Variants in ALK observed in about 807,000 individuals in gnomAD.
ALK encodes ALK receptor tyrosine kinase.
Under a neutral mutation model 163.1 loss-of-function variants are expected in ALK, and 74 were observed. The observed-to-expected ratio is 0.45, with a 90% CI of 0.38 to 0.55. The LOEUF (loss-of-function observed/expected upper bound fraction) is 0.55. Among genes scored for constraint, ALK ranks in the 20% least tolerant of loss-of-function variants. The pLI is 0.00. For synonymous variants in ALK, 960 were observed against 843.2 expected (o/e 1.14, Z -2.40); for missense variants, 2,063 against 2,105.3 (o/e 0.98, Z 0.39).
chr2:29,782,387 C>T (rs1429395104), intron 1 of ALK, among the ~76,000 whole-genome samples: 1 of 152,128 alleles, frequency 6.6e-6, no homozygotes, highest in East Asian at 1.9e-4. Context: ...CTGGTCAGCC[C>T]ACTGGTGGCC....
At chr2:29,222,075 A>G (rs1242491248) in intron 22 of ALK, among the ~76,000 whole-genome samples, 1 of 152,154 alleles carries the variant, frequency 6.6e-6, no homozygotes, top group East Asian at 1.9e-4. Context: ...AGGGAAGAAG[A>G]ACCAGTGGAT....
intron 8 of ALK, among the ~76,000 whole-genome samples, chr2:29,305,273 C>T (rs1235975702): frequency 1.3e-5 from 2 of 152,096 alleles, no homozygotes; most frequent in African/African-American, 2.4e-5. Context: ...GCTGTTACAT[C>T]GCCTCTAGAA....
At chr2:29,560,659 C>A (rs1171649760) in intron 3 of ALK, among the ~76,000 whole-genome samples, 1 of 151,894 alleles carries the variant, frequency 6.6e-6, no homozygotes, top group East Asian at 1.9e-4. Context: ...GCAGCCTTGA[C>A]CTTCCAGATT....
chr2:29,376,294 T>G (rs909881692), intron 5 of ALK, among the ~76,000 whole-genome samples: 1 of 152,284 alleles, frequency 6.6e-6, no homozygotes, highest in African/African-American at 2.4e-5. Flanking sequence ...AGCCGCATTT[T>G]GTGTTTCTTT....
chr2:29,535,381 G>A (rs1673225978), intron 3 of ALK, among the ~76,000 whole-genome samples: 1 of 152,314 alleles, frequency 6.6e-6, no homozygotes, highest in African/African-American at 2.4e-5. Flanking sequence ...CAACCAGCAG[G>A]GCTCACATTA....
At position 29,433,681 on chromosome 2, in the gene ALK, C is replaced by A. The variant is rs370191272; in HGVS notation, c.1155-49822G>T. Among the ~76,000 whole-genome samples, 523 of 151,654 alleles carry A rather than the reference C, an allele frequency of 3.4e-3. 4 individuals carry two copies. The highest frequency in any genetic ancestry group is 4.3e-3 in the East Asian group (22 of 5,158). Reference sequence around the variant, plus strand: ...CTGTGTTCCAATAAAATTTACAAAACCAGGTGGCTGGCCTGGGAGTCATAG... The same window carrying A: ...CTGTGTTCCAATAAAATTTACAAAAACAGGTGGCTGGCCTGGGAGTCATAG... On this transcript the variant is annotated intron_variant, in intron 4 of 28. Coordinates refer to ENST00000389048, the MANE Select transcript of ALK (RefSeq NM_004304.5).
At chr2:29,879,404 T>C (rs1480333444) in intron 1 of ALK, among the ~76,000 whole-genome samples, 2 of 152,206 alleles carry the variant, frequency 1.3e-5, no homozygotes, top group South Asian at 2.1e-4. Flanking sequence ...AAAAAAAGTG[T>C]CAACTGAACT....
chr2:29,845,615 G>T (rs4366857), intron 1 of ALK, among the ~76,000 whole-genome samples: 42,952 of 151,966 alleles, frequency 0.28, 6,861 homozygotes, highest in East Asian at 0.54. Flanking sequence ...TGTATTTTTA[G>T]TAGAGACAGG....
At chr2:29,580,127 G>A (rs961400877) in intron 3 of ALK, among the ~76,000 whole-genome samples, 3 of 152,042 alleles carry the variant, frequency 2.0e-5, no homozygotes, top group Non-Finnish European at 2.9e-5. Flanking sequence ...TCGGTTTTAT[G>A]CATATGTCCA....
At chr2:29,780,675 C>T (rs10495770) in intron 1 of ALK, among the ~76,000 whole-genome samples, 4,716 of 152,276 alleles carry the variant, frequency 0.031, 86 homozygotes, top group East Asian at 0.079. Flanking sequence ...CTGAACTTGA[C>T]GGGCTACGTT....
intron 9 of ALK, among the ~76,000 whole-genome samples, chr2:29,283,408 C>T (rs554322264): frequency 2.6e-5 from 4 of 151,942 alleles, no homozygotes; most frequent in Admixed American, 6.6e-5. Context: ...GTCTGCTCCC[C>T]GTTTCTTGGA....
chr2:29,569,516 T>C (rs780054708), intron 3 of ALK, among the ~76,000 whole-genome samples: 72 of 152,168 alleles, frequency 4.7e-4, no homozygotes, highest in Non-Finnish European at 1.0e-3. Flanking sequence ...ACACAGAATA[T>C]GACTCAAAGA....
chr2:29,501,911 C>T (rs977769762), intron 4 of ALK, among the ~76,000 whole-genome samples: 6 of 152,128 alleles, frequency 3.9e-5, no homozygotes, highest in African/African-American at 1.4e-4. Context: ...TATGGTGCCT[C>T]ACATGAGTGG....
At chr2:29,454,579 G>A (rs905052097) in intron 4 of ALK, among the ~76,000 whole-genome samples, 3 of 152,062 alleles carry the variant, frequency 2.0e-5, no homozygotes, top group Non-Finnish European at 1.5e-5. Flanking sequence ...GACAAGAAGG[G>A]CTCAAAATTT....
At chr2:29,350,246 A>G (rs1668076995) in intron 5 of ALK, among the ~76,000 whole-genome samples, 1 of 152,228 alleles carries the variant, frequency 6.6e-6, no homozygotes, top group South Asian at 2.1e-4. Flanking sequence ...AAGGGATAAG[A>G]TGGAAGCCAC....
At chr2:29,349,843 A>C (rs1668064149) in intron 5 of ALK, among the ~76,000 whole-genome samples, 1 of 152,216 alleles carries the variant, frequency 6.6e-6, no homozygotes, top group Non-Finnish European at 1.5e-5. Flanking sequence ...GAAGACTCCA[A>C]ACTGGATGAG....
intron 9 of ALK, among the ~76,000 whole-genome samples, chr2:29,282,117 G>A (rs2148220224): frequency 1.3e-5 from 2 of 152,244 alleles, no homozygotes; most frequent in African/African-American, 4.8e-5. Flanking sequence ...CCATTTAGTG[G>A]GCTCGGAAGA....
At chr2:29,686,044 G>C (rs761629126) in intron 3 of ALK, among the ~76,000 whole-genome samples, 156 of 152,280 alleles carry the variant, frequency 1.0e-3, no homozygotes, top group Non-Finnish European at 1.7e-3. Context: ...TGATTCCACT[G>C]GGTCAACCCA....
intron 1 of ALK, among the ~76,000 whole-genome samples, chr2:29,854,560 G>C (rs1481001999): frequency 6.6e-6 from 1 of 152,124 alleles, no homozygotes; most frequent in Non-Finnish European, 1.5e-5. Flanking sequence ...AAAACTATAA[G>C]CCAAAATAAA....
Sources: allele counts gnomAD v4.1 joint callset (sites outside exome capture counted in the v4.1 genomes callset), GRCh38; gene constraint gnomAD v4.1.1; transcripts MANE v1.5; gene names NCBI Gene and HGNC (gene_info 2026-07-23, HGNC 2026-07-21).